The following CSRNP3 variants were observed in gnomAD, a reference collection of about 807,000 sequenced individuals.
CSRNP3 encodes the protein cysteine/serine-rich nuclear protein 3.
Under a neutral mutation model 48.0 loss-of-function variants are expected in CSRNP3, and 12 were observed. The ratio of observed to expected loss-of-function variants is 0.25; its 90% CI spans 0.16 to 0.41. The LOEUF is 0.41. Among genes scored for constraint, CSRNP3 ranks in the 10% least tolerant of loss-of-function variants. The pLI is 1.00. For synonymous variants in CSRNP3, 263 were observed against 269.7 expected (o/e 0.98, Z 0.24); for missense variants, 580 against 724.4 (o/e 0.80, Z 2.29).
chr2:165,581,759 A>G (rs903270714), intron 3 of CSRNP3, among the ~76,000 whole-genome samples: 6 of 152,100 alleles, frequency 3.9e-5, no homozygotes, highest in African/African-American at 1.2e-4. Context: ...CTGGTCTCGA[A>G]CTACCGACCT....
intron 3 of CSRNP3, among the ~76,000 whole-genome samples, chr2:165,549,516 A>G (rs1685071707): frequency 6.6e-6 from 1 of 152,092 alleles, no homozygotes; most frequent in Admixed American, 6.5e-5. Flanking sequence ...AACTTACCCA[A>G]CCCTATTTAA....
chr2:165,562,809 T>C (rs1387289844), intron 3 of CSRNP3, among the ~76,000 whole-genome samples: 4 of 152,106 alleles, frequency 2.6e-5, no homozygotes, highest in Admixed American at 2.6e-4. Context: ...AACACAGTAA[T>C]AAGGCATAGT....
intron 4 of CSRNP3, among the ~76,000 whole-genome samples, chr2:165,620,867 G>A (rs1195655389): frequency 6.6e-6 from 1 of 151,802 alleles, no homozygotes; most frequent in Non-Finnish European, 1.5e-5. Context: ...TGGATTAAGA[G>A]GCCTCAAGTT....
At chr2:165,506,622 C>T (rs1276159123) in intron 2 of CSRNP3, among the ~76,000 whole-genome samples, 2 of 152,108 alleles carry the variant, frequency 1.3e-5, no homozygotes, top group Non-Finnish European at 2.9e-5. Context: ...TGAGGGGTGG[C>T]GGCATCTACC....
At chr2:165,615,888 G>GTTT (rs957235965) in intron 4 of CSRNP3, among the ~76,000 whole-genome samples, 12 of 59,296 alleles carry the variant, frequency 2.0e-4, no homozygotes, top group East Asian at 4.5e-4. Context: ...TGTTTGTGGG[G>GTTT]TTTTTTTTTT....
intron 3 of CSRNP3, among the ~76,000 whole-genome samples, chr2:165,558,299 T>C (rs912683455): frequency 6.6e-6 from 1 of 152,238 alleles, no homozygotes; most frequent in African/African-American, 2.4e-5. Flanking sequence ...TACCTGCTCA[T>C]ACAAATATAC....
In CSRNP3 at chr2:165,685,423, G is replaced by T. The variant is rs1440343997; in HGVS notation, c.*5670G>T. ...TCTGTGCTGTCTTGGCATGCCTTGG[G>T]TTTCCTATCCTGAGAGTGGTAATGC... On this transcript the variant is annotated 3_prime_UTR_variant, in exon 7 of 7. Transcript: ENST00000651982. 1.3e-5 allele frequency: 2 copies of T among 152,034 alleles called. No homozygotes were observed. The highest frequency in any genetic ancestry group is 2.9e-5 in the Non-Finnish European group (2 of 67,976). 9.4% of individuals were successfully genotyped at this position (152,034 alleles called of 1,614,324 possible). A position where few individuals can be genotyped will look rare whatever the true frequency, so the allele number is the denominator to read the frequency against.
At chr2:165,578,632 G>A (rs1002260550) in intron 3 of CSRNP3, among the ~76,000 whole-genome samples, 1 of 150,938 alleles carries the variant, frequency 6.6e-6, no homozygotes, top group Non-Finnish European at 1.5e-5. Context: ...AAGGCCTGAG[G>A]ATTCTTACTT....
intron 1 of CSRNP3, among the ~76,000 whole-genome samples, chr2:165,482,880 C>T (rs1044822441): frequency 2.0e-5 from 3 of 152,096 alleles, no homozygotes; most frequent in African/African-American, 7.2e-5. Flanking sequence ...TATTCTGCAT[C>T]CATCTTTACC....
chr2:165,522,228 G>A (rs1684673019), intron 3 of CSRNP3, among the ~76,000 whole-genome samples: 2 of 152,082 alleles, frequency 1.3e-5, no homozygotes, highest in South Asian at 2.1e-4. Flanking sequence ...GAAGGTGGAG[G>A]TTGTGGTGAG....
At chr2:165,562,725 A>G (rs185245008) in intron 3 of CSRNP3, among the ~76,000 whole-genome samples, 6 of 152,320 alleles carry the variant, frequency 3.9e-5, no homozygotes, top group South Asian at 2.1e-4. Flanking sequence ...GGTGGACTCT[A>G]AAGATATAAA....
At chr2:165,472,476 T>A (rs892221282) in intron 1 of CSRNP3, among the ~76,000 whole-genome samples, 3 of 152,022 alleles carry the variant, frequency 2.0e-5, no homozygotes, top group Admixed American at 6.6e-5. Context: ...TACTTTTATG[T>A]AGCTTTTCTC....
chr2:165,676,142 T>G (rs1189575441), intron 5 of CSRNP3, among the ~76,000 whole-genome samples, 170 bp from the exon 6 acceptor site: 2 of 152,222 alleles, frequency 1.3e-5, no homozygotes, highest in Non-Finnish European at 2.9e-5. Context: ...TTTTGATGCC[T>G]TTATTTTTCT....
chr2:165,626,359 T>C lies in CSRNP3; in HGVS notation c.148+31146T>C, dbSNP rs144284288. ...GTGAGATGGACATCTAAGGTAAGAA[T>C]ATTCCAGGCAAAAGGGCAAATACAA... On this transcript the variant is annotated intron_variant, in intron 4 of 6. Transcript: ENST00000651982. Among the ~76,000 whole-genome samples the C allele has an allele frequency of 8.1e-4, 123 of 152,182 alleles. 1 individual carries two copies. Among genetic ancestry groups the C allele is most frequent in the African/African-American group, 2.9e-3 (120 of 41,514 alleles).
chr2:165,575,144 G>C (rs1685427836), intron 3 of CSRNP3, among the ~76,000 whole-genome samples: 1 of 152,130 alleles, frequency 6.6e-6, no homozygotes, highest in Admixed American at 6.5e-5. Context: ...AAATGTCACA[G>C]ACAGGACAAA....
chr2:165,510,402 T>C (rs10206748), intron 2 of CSRNP3, among the ~76,000 whole-genome samples: 43,593 of 151,994 alleles, frequency 0.29, 6,593 homozygotes, highest in Non-Finnish European at 0.33. Context: ...TATAATATAA[T>C]ACTACCATTA....
At chr2:165,561,528 T>A (rs975120908) in intron 3 of CSRNP3, among the ~76,000 whole-genome samples, 1 of 152,154 alleles carries the variant, frequency 6.6e-6, no homozygotes, top group Non-Finnish European at 1.5e-5. Flanking sequence ...TTAACATTGG[T>A]AATTTATTCA....
At chr2:165,649,456 A>C (rs10165242) in intron 4 of CSRNP3, among the ~76,000 whole-genome samples, 2 of 152,038 alleles carry the variant, frequency 1.3e-5, no homozygotes, top group African/African-American at 4.8e-5. Context: ...TACCAAAGGA[A>C]TGATATCAGA....
At chr2:165,518,675 T>C (rs1295569493) in intron 3 of CSRNP3, among the ~76,000 whole-genome samples, 2 of 152,040 alleles carry the variant, frequency 1.3e-5, no homozygotes, top group East Asian at 3.8e-4. Flanking sequence ...TTTTGATGTG[T>C]TTATATTGTG....
Sources: gnomAD v4.1 joint callset for allele counts (sites outside exome capture counted in the v4.1 genomes callset) on GRCh38, gnomAD v4.1.1 for gene constraint, MANE v1.5 for transcripts, NCBI Gene and HGNC (gene_info 2026-07-23, HGNC 2026-07-21) for gene names.